The following DIP2C variants were observed in gnomAD, a reference collection of about 807,000 sequenced individuals.
DIP2C encodes the protein disco-interacting protein 2 homolog C.
Under a neutral mutation model 192.4 loss-of-function variants are expected in DIP2C, and 33 were observed. The observed-to-expected ratio is 0.17, with a 90% CI of 0.13 to 0.23. DIP2C has a LOEUF of 0.23. Among genes scored for constraint, DIP2C ranks in the 10% least tolerant of loss-of-function variants. The probability of loss-of-function intolerance (pLI) is 1.00; values close to 1 mark genes in which losing one functional copy is unlikely to be tolerated. For synonymous variants in DIP2C, 979 were observed against 864.1 expected, an observed-to-expected ratio of 1.13 and a Z score of -2.33; for missense variants, 1,537 against 2,110.1, an observed-to-expected ratio of 0.73 and a Z score of 5.32.
chr10:591,451 C>G (rs1298169713), intron 1 of DIP2C, among the ~76,000 whole-genome samples: 1 of 152,188 alleles, frequency 6.6e-6, no homozygotes, highest in Non-Finnish European at 1.5e-5. Context: ...CTAAGCCACT[C>G]TCTCACACCC....
At chr10:420,656 C>G (rs911085609) in intron 5 of DIP2C, among the ~76,000 whole-genome samples, 3 of 152,178 alleles carry the variant, frequency 2.0e-5, no homozygotes, top group Admixed American at 2.0e-4. Context: ...CTATCTTATG[C>G]CAAATTGGCT....
At chr10:340,207 A>C (rs1270017469) in intron 29 of DIP2C, among the ~76,000 whole-genome samples, 1 of 151,482 alleles carries the variant, frequency 6.6e-6, no homozygotes, top group African/African-American at 2.4e-5. Flanking sequence ...AAGATCCACT[A>C]TAAATTTTGA....
Position 605,698 on chromosome 10 carries a change from C to T in DIP2C, c.85+83796G>A, listed in dbSNP as rs1352885456. 2.6e-5 allele frequency among the ~76,000 whole-genome samples: 4 copies of T among 152,226 alleles called. No individual in the cohort carries two copies. In the South Asian group the frequency reaches 8.3e-4, roughly 31 times the overall value. On this transcript the variant is annotated intron_variant, in intron 1 of 36. Coordinates refer to ENST00000280886, the MANE Select transcript of DIP2C (RefSeq NM_014974.3). ...TAGATATTGATCTCCCTCAGAACTACTCAATCACCCACATTTGCAGGTCAC... is the reference window on the plus strand; with the variant it reads ...TAGATATTGATCTCCCTCAGAACTATTCAATCACCCACATTTGCAGGTCAC...
intron 1 of DIP2C, among the ~76,000 whole-genome samples, chr10:505,797 C>T (rs1845560553): frequency 6.6e-6 from 1 of 151,954 alleles, no homozygotes; most frequent in African/African-American, 2.4e-5. Flanking sequence ...TGTGGGTGCC[C>T]CTGACACCAC....
At chr10:650,207 G>A (rs1855769113) in intron 1 of DIP2C, 1 of 717,376 alleles carries the variant, frequency 1.4e-6, no homozygotes, top group Non-Finnish European at 2.6e-6. Flanking sequence ...TGCTGGGGAG[G>A]CCACACGGGG....
chr10:344,107 G>C (rs1412119290), intron 28 of DIP2C, among the ~76,000 whole-genome samples: 1 of 152,210 alleles, frequency 6.6e-6, no homozygotes, highest in Non-Finnish European at 1.5e-5. Context: ...CCATGAAACG[G>C]TATGACTGGA....
intron 1 of DIP2C, among the ~76,000 whole-genome samples, chr10:535,707 A>G (rs1847658366): frequency 1.3e-5 from 2 of 152,130 alleles, no homozygotes; most frequent in South Asian, 4.2e-4. Context: ...TAAAAACTGT[A>G]TGTGGGCTAT....
rs551589079 is a variant in DIP2C, at chr10:673,978, G to A, written c.85+15516C>T. ...ATTCTAAAATCCCAACAGGGACGGT[G>A]AGTCCCTCACTTGTATGGAAATCAA... is the stretch of plus-strand genomic sequence containing the variant. On this transcript the variant is annotated intron_variant, in intron 1 of 36. Transcript: ENST00000280886. Among the ~76,000 whole-genome samples, 105 of 152,332 alleles carry A rather than the reference G, an allele frequency of 6.9e-4. 2 individuals carry two copies. The South Asian group carries it at 0.02, about 29-fold the overall frequency.
At chr10:674,789 TAGAGAGAG>T (rs1554772102) in intron 1 of DIP2C, among the ~76,000 whole-genome samples, 33 of 62,482 alleles carry the variant, frequency 5.3e-4, no homozygotes, top group East Asian at 5.0e-3. Flanking sequence ...TATATATATA[TAGAGAGAG>T]AGAGAGAGAG....
In DIP2C at chr10:624,142, C is replaced by T. The variant is rs192777987; in HGVS notation, c.85+65352G>A. On this transcript the variant is annotated intron_variant, in intron 1 of 36. Transcript: ENST00000280886. The stretch of plus-strand genomic sequence containing the variant: ...GCAGCCCCTGACCAGAGAAGGGAGC[C>T]GCACGGCGAGGCCCCCAGCACATGG... Among the ~76,000 whole-genome samples the T allele has an allele frequency of 4.7e-4, 71 of 152,332 alleles. 1 individual carries two copies. The highest frequency in any genetic ancestry group is 1.6e-3 in the African/African-American group (68 of 41,586).
intron 1 of DIP2C, among the ~76,000 whole-genome samples, chr10:502,771 C>T (rs1207366856): frequency 6.6e-6 from 1 of 152,112 alleles, no homozygotes; most frequent in Non-Finnish European, 1.5e-5. Context: ...TAACAAAGCA[C>T]ACAGAGGATG....
intron 3 of DIP2C, among the ~76,000 whole-genome samples, chr10:460,227 G>A (rs1969661692): frequency 6.6e-6 from 1 of 152,164 alleles, no homozygotes; most frequent in Non-Finnish European, 1.5e-5. Context: ...CTTTTCCAGA[G>A]TTGTTGGTTG....
chr10:577,529 G>A (rs140087827), intron 1 of DIP2C, among the ~76,000 whole-genome samples: 2 of 152,280 alleles, frequency 1.3e-5, no homozygotes, highest in African/African-American at 4.8e-5. Flanking sequence ...AAACCTTCAA[G>A]AGCCAACACC....
At position 419,072 on chromosome 10, in the gene DIP2C, G is replaced by A. The variant is rs147744132; in HGVS notation, c.732C>T (p.Thr244=). The A allele has an allele frequency of 3.9e-4, 627 of 1,614,252 alleles. No homozygotes were observed. The highest frequency in any genetic ancestry group is 1.1e-3 in the African/African-American group (82 of 75,078). ...CTCTCCTTTGGGACGTACCATCCCC[G>A]GTCTCCATGAGCTCGGCGTTGCCGT... is the stretch of plus-strand genomic sequence containing the variant. ...PKYGNAELME[T]GDGVPVSSRV... is the part of the protein sequence containing the mutation. Residue 244 remains threonine (T), a synonymous_variant, in exon 6 of 37, where the codon ACC becomes ACT. Transcript: ENST00000280886.
intron 1 of DIP2C, among the ~76,000 whole-genome samples, chr10:543,438 GACC>G (rs1848114233): frequency 1.3e-5 from 2 of 152,190 alleles, no homozygotes; most frequent in Admixed American, 1.3e-4. Context: ...ACGTTGCCGT[GACC>G]ACATCTCTTA....
chr10:491,922 G>A (rs1026283090), intron 1 of DIP2C, among the ~76,000 whole-genome samples: 1 of 152,162 alleles, frequency 6.6e-6, no homozygotes, highest in Non-Finnish European at 1.5e-5. Context: ...AAAACCAGGG[G>A]CTAGGAAGAA....
At chr10:610,114 A>T (rs551246824) in intron 1 of DIP2C, among the ~76,000 whole-genome samples, 2 of 152,334 alleles carry the variant, frequency 1.3e-5, no homozygotes, top group South Asian at 4.2e-4. Flanking sequence ...ATGTGGCCTG[A>T]GCATACACAG....
At chr10:300,270 G>C (rs1955960753) in intron 32 of DIP2C, among the ~76,000 whole-genome samples, 1 of 152,214 alleles carries the variant, frequency 6.6e-6, no homozygotes, top group Middle Eastern at 3.2e-3. Context: ...CAATGGATGA[G>C]CCAAGTGTGG....
chr10:633,553 T>C (rs1854655925), intron 1 of DIP2C, among the ~76,000 whole-genome samples: 1 of 152,196 alleles, frequency 6.6e-6, no homozygotes, highest in African/African-American at 2.4e-5. Flanking sequence ...TCTCGGCCCA[T>C]CCTGAGCCAG....
Sources: gnomAD v4.1 joint callset for allele counts (sites outside exome capture counted in the v4.1 genomes callset) on GRCh38, gnomAD v4.1.1 for gene constraint, MANE v1.5 for transcripts, NCBI Gene and HGNC (gene_info 2026-07-23, HGNC 2026-07-21) for gene names.